RBFOX1: variants seen among roughly 807,000 people sequenced by gnomAD.
RBFOX1 encodes the protein RNA binding fox-1 homolog 1.
Under a neutral mutation model 57.7 loss-of-function variants are expected in RBFOX1, and 8 were observed. That is an observed-to-expected ratio of 0.14 (90% CI 0.08 to 0.25). RBFOX1 has a LOEUF of 0.25. Ranked by LOEUF, RBFOX1 falls within the 10% of genes least tolerant of loss-of-function variation. The pLI is 1.00. For missense variants in RBFOX1, 611 were observed against 548.5 expected, an observed-to-expected ratio of 1.11 and a Z score of -1.14; for synonymous variants, 326 against 222.4, an observed-to-expected ratio of 1.47 and a Z score of -4.15.
intron 4 of RBFOX1, among the ~76,000 whole-genome samples, chr16:7,151,368 G>A (rs1036936267): frequency 5.9e-5 from 9 of 152,056 alleles, no homozygotes; most frequent in African/African-American, 1.9e-4. Context: ...CATGAAATTA[G>A]GACTGCAAAA....
intron 4 of RBFOX1, among the ~76,000 whole-genome samples, chr16:7,417,564 A>C (rs7206689): frequency 0.09 from 9,591 of 106,098 alleles, 768 homozygotes; most frequent in East Asian, 0.36. Context: ...GTGTGTGTTC[A>C]CTTCTCTGCA....
chr16:5,922,929 A>G (rs1567151791), intron 4 of RBFOX1, among the ~76,000 whole-genome samples: 1 of 152,148 alleles, frequency 6.6e-6, no homozygotes, highest in Non-Finnish European at 1.5e-5. Context: ...CCCACACTTG[A>G]GGGGGAAGTG....
At chr16:6,396,161 A>G (rs2092826200) in intron 2 of RBFOX1, among the ~76,000 whole-genome samples, 1 of 152,002 alleles carries the variant, frequency 6.6e-6, no homozygotes, top group South Asian at 2.1e-4. Flanking sequence ...ATAGATAGCA[A>G]TTATAAATTC....
At chr16:5,413,283 C>G (rs561809347) in intron 1 of RBFOX1, among the ~76,000 whole-genome samples, 6 of 152,286 alleles carry the variant, frequency 3.9e-5, no homozygotes, top group Admixed American at 2.6e-4. Context: ...CCACAGCATT[C>G]TCCAGAGAGC....
chr16:6,502,296 C>T (rs896850395), intron 2 of RBFOX1, among the ~76,000 whole-genome samples: 1 of 152,112 alleles, frequency 6.6e-6, no homozygotes, highest in African/African-American at 2.4e-5. Flanking sequence ...CCCTGATCTA[C>T]CTGGCATGCC....
At chr16:5,475,804 T>G (rs1305940429) in intron 2 of RBFOX1, among the ~76,000 whole-genome samples, 1 of 152,144 alleles carries the variant, frequency 6.6e-6, no homozygotes, top group African/African-American at 2.4e-5. Context: ...GTTTTTTATT[T>G]TTATTTTTAT....
chr16:6,202,401 G>A (rs558566883), intron 1 of RBFOX1, among the ~76,000 whole-genome samples: 10 of 152,206 alleles, frequency 6.6e-5, no homozygotes, highest in African/African-American at 2.4e-4. Context: ...CTTTAAAGGT[G>A]CTTTGAGGTT....
intron 10 of RBFOX1, among the ~76,000 whole-genome samples, chr16:7,620,140 C>T (rs1436870677): frequency 6.6e-6 from 1 of 152,210 alleles, no homozygotes; most frequent in Non-Finnish European, 1.5e-5. Context: ...AGTAAGTCCT[C>T]AGAGCATCAT....
intron 2 of RBFOX1, among the ~76,000 whole-genome samples, chr16:6,439,426 T>G (rs1299057642): frequency 6.6e-6 from 1 of 152,176 alleles, no homozygotes; most frequent in Non-Finnish European, 1.5e-5. Flanking sequence ...GGGCTGTGCC[T>G]TAGCTCAGGC....
intron 4 of RBFOX1, among the ~76,000 whole-genome samples, chr16:7,076,945 T>C (rs1467595627): frequency 6.6e-6 from 1 of 152,238 alleles, no homozygotes; most frequent in Non-Finnish European, 1.5e-5. Context: ...TTTCTAACAT[T>C]GCATTTCTGA....
intron 2 of RBFOX1, among the ~76,000 whole-genome samples, chr16:6,640,067 C>T (rs1022724246): frequency 1.3e-5 from 2 of 151,982 alleles, no homozygotes; most frequent in Non-Finnish European, 2.9e-5. Context: ...TAAGTTGCTG[C>T]GAAAAGCCAT....
exon 3 of RBFOX1, chr16:5,599,342 C>T: frequency 3.3e-6 from 2 of 612,320 alleles, no homozygotes. Flanking sequence ...GGTTGTCTTC[C>T]TAGTAAGGAC....
chr16:6,503,252 C>G (rs1359935574), intron 2 of RBFOX1, among the ~76,000 whole-genome samples: 1 of 151,998 alleles, frequency 6.6e-6, no homozygotes, highest in Non-Finnish European at 1.5e-5. Flanking sequence ...GCACAGCCCC[C>G]AAATATCTAT....
In RBFOX1 at chr16:5,266,745, G is replaced by A. The variant is rs559729017; in HGVS notation, c.219+26640G>A. On this transcript the variant is annotated intron_variant, in intron 1 of 2. Transcript: ENST00000585867. ...TGTATTTATTTATTTTTTGCAGAGA[G>A]GGGGGGTCTCACTATATTGCCCAGG... 8.2e-4 allele frequency among the ~76,000 whole-genome samples: 125 copies of A among 151,622 alleles called. 1 individual carries two copies. The highest frequency in any genetic ancestry group is 2.4e-3 in the African/African-American group (101 of 41,296).
intron 1 of RBFOX1, among the ~76,000 whole-genome samples, chr16:6,266,539 C>A (rs1469836786): frequency 1.3e-5 from 2 of 151,960 alleles, no homozygotes; most frequent in Admixed American, 1.3e-4. Flanking sequence ...CATGGTGAAA[C>A]CCCATCTCTA....
intron 3 of RBFOX1, among the ~76,000 whole-genome samples, chr16:6,977,721 T>C (rs1297792922): frequency 6.6e-6 from 1 of 152,022 alleles, no homozygotes; most frequent in Non-Finnish European, 1.5e-5. Context: ...ATTGAAATTG[T>C]GGGTGGAGGA....
At chr16:7,101,696 G>C (rs1298469821) in intron 4 of RBFOX1, among the ~76,000 whole-genome samples, 2 of 152,106 alleles carry the variant, frequency 1.3e-5, no homozygotes, top group Non-Finnish European at 2.9e-5. Flanking sequence ...ATTCAAGTAG[G>C]GTGATTTTTT....
At chr16:5,785,242 A>G (rs539912952) in intron 3 of RBFOX1, among the ~76,000 whole-genome samples, 2 of 152,340 alleles carry the variant, frequency 1.3e-5, no homozygotes, top group Admixed American at 6.5e-5. Flanking sequence ...GTGGGATTGC[A>G]GTATGTTCAA....
chr16:6,241,628 A>C (rs1465449517), intron 1 of RBFOX1, among the ~76,000 whole-genome samples: 1 of 152,230 alleles, frequency 6.6e-6, no homozygotes, highest in Non-Finnish European at 1.5e-5. Context: ...GTGGTGTTAA[A>C]TAGAGTTGCA....
Sources: gnomAD v4.1 joint callset for allele counts (sites outside exome capture counted in the v4.1 genomes callset) on GRCh38, gnomAD v4.1.1 for gene constraint, MANE v1.5 for transcripts, NCBI Gene and HGNC (gene_info 2026-07-23, HGNC 2026-07-21) for gene names.